Variants in PIBF1 observed in about 807,000 individuals in gnomAD.
PIBF1 encodes progesterone immunomodulatory binding factor 1.
A neutral mutation model predicts 112.5 loss-of-function variants in PIBF1; 90 were observed. That is an observed-to-expected ratio of 0.80 (90% CI 0.67 to 0.95). The LOEUF (loss-of-function observed/expected upper bound fraction) is 0.95, where lower values mean the gene tolerates loss of function less well. Among genes scored for constraint, PIBF1 ranks in the 40% least tolerant of loss-of-function variants. PIBF1 has a pLI of 0.00. For synonymous variants in PIBF1, 301 were observed against 288.6 expected, an observed-to-expected ratio of 1.04 and a Z score of -0.44; for missense variants, 915 against 852.3, an observed-to-expected ratio of 1.07 and a Z score of -0.92.
At chr13:72,842,370 G>C (rs1241863018) in intron 9 of PIBF1, among the ~76,000 whole-genome samples, 1 of 152,088 alleles carries the variant, frequency 6.6e-6, no homozygotes, top group East Asian at 1.9e-4. Context: ...TTTGAAAGGG[G>C]GTAGGCAGTA....
chr13:72,987,632 CCTT>C (rs913337113), intron 16 of PIBF1, among the ~76,000 whole-genome samples: 4 of 149,866 alleles, frequency 2.7e-5, no homozygotes, highest in South Asian at 2.1e-4. Context: ...TTTTCTTGAG[CCTT>C]CTTTTTATTT....
intron 5 of PIBF1, among the ~76,000 whole-genome samples, chr13:72,813,514 G>A (rs1239802406): frequency 1.3e-5 from 2 of 152,112 alleles, no homozygotes; most frequent in Non-Finnish European, 2.9e-5. Flanking sequence ...ACTGAGGCTG[G>A]GGTCATCTGA....
intron 10 of PIBF1, among the ~76,000 whole-genome samples, chr13:72,860,538 T>A (rs945276573): frequency 6.6e-6 from 1 of 152,204 alleles, no homozygotes; most frequent in Non-Finnish European, 1.5e-5. Context: ...TCTGGCTTCC[T>A]TTGTCACTTC....
intron 4 of PIBF1, among the ~76,000 whole-genome samples, chr13:72,796,068 G>C (rs1200005848): frequency 1.3e-5 from 2 of 152,166 alleles, no homozygotes; most frequent in Non-Finnish European, 2.9e-5. Flanking sequence ...ACCCCAATGA[G>C]TGTTTGTTTA....
At chr13:72,921,364 C>T (rs1223458904) in intron 13 of PIBF1, among the ~76,000 whole-genome samples, 7 of 152,122 alleles carry the variant, frequency 4.6e-5, no homozygotes, top group African/African-American at 1.4e-4. Context: ...CTGCCCACCA[C>T]GGCCTCCCAA....
intron 15 of PIBF1, among the ~76,000 whole-genome samples, chr13:72,973,052 C>T (rs2138941199): frequency 6.6e-6 from 1 of 152,174 alleles, no homozygotes; most frequent in South Asian, 2.1e-4. Context: ...TAATTTTATG[C>T]CTATACTAGG....
At chr13:72,807,592 A>G (rs1453211172) in intron 5 of PIBF1, among the ~76,000 whole-genome samples, 1 of 152,074 alleles carries the variant, frequency 6.6e-6, no homozygotes, top group Non-Finnish European at 1.5e-5. Flanking sequence ...AAAATTTAAT[A>G]CATTTATTGA....
chr13:73,010,866 G>A (rs1261911708), intron 17 of PIBF1, among the ~76,000 whole-genome samples: 1 of 45,568 alleles, frequency 2.2e-5, no homozygotes, highest in African/African-American at 9.4e-5. Context: ...ACTCTTTGTT[G>A]TCCAGGGTGG....
At chr13:72,874,409 G>A (rs536140804) in intron 10 of PIBF1, among the ~76,000 whole-genome samples, 1 of 152,190 alleles carries the variant, frequency 6.6e-6, no homozygotes, top group African/African-American at 2.4e-5. Context: ...CAATAAAAAA[G>A]GAGGAAACTA....
intron 9 of PIBF1, among the ~76,000 whole-genome samples, chr13:72,844,071 T>C (rs2037728190): frequency 6.6e-6 from 1 of 152,238 alleles, no homozygotes; most frequent in Admixed American, 6.5e-5. Context: ...CGTCAAGCAT[T>C]GTACTCAACA....
chr13:72,950,086 G>A (rs571976883), intron 14 of PIBF1, among the ~76,000 whole-genome samples: 23 of 152,252 alleles, frequency 1.5e-4, no homozygotes, highest in Admixed American at 3.9e-4. Context: ...TGAAATAATT[G>A]TTATGTATCC....
At chr13:72,978,194 T>C (rs542110570) in intron 16 of PIBF1, among the ~76,000 whole-genome samples, 10 of 152,246 alleles carry the variant, frequency 6.6e-5, no homozygotes, top group Non-Finnish European at 1.5e-4. Flanking sequence ...TTTAATGTCA[T>C]GCCTTCTGCT....
chr13:72,952,810 A>G (rs2042338140), intron 14 of PIBF1, among the ~76,000 whole-genome samples: 1 of 150,510 alleles, frequency 6.6e-6, no homozygotes, highest in African/African-American at 2.5e-5. Context: ...ATTTGTGAGC[A>G]GGTTCACTGT....
At chr13:72,912,825 CAT>C (rs1241195031) in intron 12 of PIBF1, among the ~76,000 whole-genome samples, 2 of 151,950 alleles carry the variant, frequency 1.3e-5, no homozygotes, top group Admixed American at 6.6e-5. Flanking sequence ...ATCTGAAAAA[CAT>C]AAAGTGTACT....
intron 16 of PIBF1, among the ~76,000 whole-genome samples, chr13:72,981,374 A>G (rs2043153447): frequency 6.6e-6 from 1 of 152,088 alleles, no homozygotes; most frequent in Non-Finnish European, 1.5e-5. Flanking sequence ...AATAGACATT[A>G]AAAGTACACA....
chr13:72,853,059 T>TG (rs1297801063), intron 9 of PIBF1, among the ~76,000 whole-genome samples: 4 of 148,354 alleles, frequency 2.7e-5, no homozygotes, highest in Non-Finnish European at 4.5e-5. Flanking sequence ...GAAGGAGATT[T>TG]AAAAAAAAAA....
intron 13 of PIBF1, among the ~76,000 whole-genome samples, chr13:72,919,110 T>C (rs953447018): frequency 1.3e-5 from 2 of 152,128 alleles, no homozygotes; most frequent in Non-Finnish European, 2.9e-5. Context: ...CAGAGTTGCT[T>C]TTTTTTATGT....
At chr13:72,833,954 CTG>C (rs1387122794) in intron 8 of PIBF1, among the ~76,000 whole-genome samples, 1 of 152,128 alleles carries the variant, frequency 6.6e-6, no homozygotes, top group Non-Finnish European at 1.5e-5. Context: ...TAAAAAGACA[CTG>C]TGGTTTTTTT....
chr13:73,015,441 A>C (rs1430188860), intron 17 of PIBF1, among the ~76,000 whole-genome samples: 1 of 152,218 alleles, frequency 6.6e-6, no homozygotes, highest in African/African-American at 2.4e-5. Context: ...TCTGGTAAAT[A>C]CTTAGAAATT....
Sources: gnomAD v4.1 joint callset for allele counts (sites outside exome capture counted in the v4.1 genomes callset) on GRCh38, gnomAD v4.1.1 for gene constraint, MANE v1.5 for transcripts, NCBI Gene and HGNC (gene_info 2026-07-23, HGNC 2026-07-21) for gene names.